The following DLG2 variants were observed in gnomAD, a reference collection of about 807,000 sequenced individuals.
DLG2 encodes disks large homolog 2.
DLG2 carries 45 observed loss-of-function variants against 132.5 expected under a neutral mutation model. The ratio of observed to expected loss-of-function variants is 0.34; its 90% CI spans 0.27 to 0.44. DLG2 has a LOEUF of 0.44. Among genes scored for constraint, DLG2 ranks in the 20% least tolerant of loss-of-function variants. The pLI, the probability that DLG2 is intolerant of heterozygous loss-of-function variation, is 1.00. For synonymous variants in DLG2, 424 were observed against 419.6 expected (o/e 1.01, Z -0.13); for missense variants, 1,045 against 1,196.9 (o/e 0.87, Z 1.87).
At chr11:84,847,341 T>C (rs1410769843) in intron 6 of DLG2, among the ~76,000 whole-genome samples, 1 of 152,140 alleles carries the variant, frequency 6.6e-6, no homozygotes, top group Non-Finnish European at 1.5e-5. Flanking sequence ...ATCTCTTGCA[T>C]TAACATGAAA....
intron 11 of DLG2, among the ~76,000 whole-genome samples, chr11:83,986,683 A>G (rs1014778209): frequency 1.3e-5 from 2 of 151,954 alleles, no homozygotes; most frequent in Admixed American, 6.6e-5. Flanking sequence ...CCGACAGTGT[A>G]AAAGTGTTCC....
At chr11:83,725,080 CACAA>C in intron 18 of DLG2, 1 of 562,338 alleles carries the variant, frequency 1.8e-6, no homozygotes, top group Non-Finnish European at 3.2e-6. Flanking sequence ...TGCTTTGCAA[CACAA>C]ACAAGCCAAT....
At chr11:83,566,009 T>C (rs953674396) in intron 19 of DLG2, among the ~76,000 whole-genome samples, 1 of 152,188 alleles carries the variant, frequency 6.6e-6, no homozygotes, top group African/African-American at 2.4e-5. Context: ...TCCTACTGGT[T>C]GGATTAATAA....
chr11:84,886,730 A>C (rs1381981780), intron 6 of DLG2, among the ~76,000 whole-genome samples: 1 of 152,160 alleles, frequency 6.6e-6, no homozygotes, highest in Non-Finnish European at 1.5e-5. Context: ...AAACACAGTG[A>C]TCAGGTGAGG....
chr11:85,381,409 G>A lies in DLG2; in HGVS notation c.41-96044C>T, dbSNP rs141786293. 8.6e-3 allele frequency among the ~76,000 whole-genome samples: 1,311 copies of A among 152,254 alleles called. 25 individuals are homozygous for A. Among genetic ancestry groups the A allele is most frequent in the African/African-American group, 0.03 (1,266 of 41,536 alleles). Reference sequence around the variant, plus strand: ...GCTAACATCATACTTAATGGTGAAAGACTGAAAGGTTTTCCCCTAAGATCA... The same window carrying A: ...GCTAACATCATACTTAATGGTGAAAAACTGAAAGGTTTTCCCCTAAGATCA... On this transcript the variant is annotated intron_variant, in intron 3 of 27. Coordinates refer to ENST00000376104, the MANE Select transcript of DLG2 (RefSeq NM_001142699.3).
rs551818922 is a variant in DLG2 at position 83,768,116 on chromosome 11, C to G, written c.1825+18574G>C. ...ATGCACATTTACTGACAATAAAACTCATCCTTCTTAGCCTTTTTCTTTTCT... is the reference window on the plus strand; with the variant it reads ...ATGCACATTTACTGACAATAAAACTGATCCTTCTTAGCCTTTTTCTTTTCT... On this transcript the variant is annotated intron_variant, in intron 18 of 27. Coordinates refer to ENST00000376104, the MANE Select transcript of DLG2 (RefSeq NM_001142699.3). 1.2e-3 allele frequency among the ~76,000 whole-genome samples: 189 copies of G among 152,292 alleles called. 1 individual carries two copies. The highest frequency in any genetic ancestry group is 5.2e-3 in the South Asian group (25 of 4,818).
At chr11:85,535,275 C>A (rs970206757) in intron 3 of DLG2, among the ~76,000 whole-genome samples, 4 of 151,978 alleles carry the variant, frequency 2.6e-5, no homozygotes, top group African/African-American at 9.7e-5. Context: ...TAATTTCAAA[C>A]ATTGTAGGTA....
chr11:84,706,376 A>G (rs914717279), intron 6 of DLG2, among the ~76,000 whole-genome samples: 5 of 151,826 alleles, frequency 3.3e-5, no homozygotes, highest in African/African-American at 1.2e-4. Flanking sequence ...AAACTGTTCA[A>G]TAAGTCAGGA....
chr11:84,667,961 A>T (rs577496315), intron 6 of DLG2, among the ~76,000 whole-genome samples: 1 of 152,294 alleles, frequency 6.6e-6, no homozygotes, highest in South Asian at 2.1e-4. Flanking sequence ...TTTTGAGGGT[A>T]ATCTTTAGAT....
chr11:84,507,022 T>C (rs921054993), intron 7 of DLG2, among the ~76,000 whole-genome samples: 2 of 152,226 alleles, frequency 1.3e-5, no homozygotes. Context: ...GTTTCCAAAG[T>C]AGACATTTCT....
At chr11:84,367,290 A>G (rs1323675669) in intron 7 of DLG2, among the ~76,000 whole-genome samples, 1 of 152,112 alleles carries the variant, frequency 6.6e-6, no homozygotes, top group Admixed American at 6.6e-5. Flanking sequence ...AAGCCATGTG[A>G]TCTTTGCAGT....
chr11:84,953,010 T>C (rs2051165333), intron 6 of DLG2, among the ~76,000 whole-genome samples: 2 of 152,204 alleles, frequency 1.3e-5, no homozygotes, highest in African/African-American at 2.4e-5. Flanking sequence ...CATGAAATCT[T>C]TCCCACCTTT....
chr11:85,286,167 T>C (rs559585859), intron 3 of DLG2: 8 of 433,562 alleles, frequency 1.8e-5, no homozygotes, highest in African/African-American at 6.2e-5. Flanking sequence ...CATCATACTC[T>C]AGTTGGTAAA....
At chr11:83,598,274 A>C (rs952199063) in intron 19 of DLG2, among the ~76,000 whole-genome samples, 1 of 152,250 alleles carries the variant, frequency 6.6e-6, no homozygotes, top group Non-Finnish European at 1.5e-5. Flanking sequence ...CTTTCAGAGA[A>C]GTTATCATCG....
At chr11:83,796,308 T>C (rs3862775) in intron 17 of DLG2, among the ~76,000 whole-genome samples, 102,538 of 151,798 alleles carry the variant, frequency 0.68, 35,305 homozygotes, top group Middle Eastern at 0.83. Context: ...AACAAACAAA[T>C]GAAAAAAACC....
rs58266385 is a variant in DLG2 at position 85,134,528 on chromosome 11, CAAAAAAAAAAA to C, written c.282+20017_282+20027del. ...TGGGCAACAGAGCGAGACTCCGTCT[CAAAAAAAAAAA>C]AAAAAAAAAAAAAAGTATACTTTCT... On this transcript the variant is annotated intron_variant, in intron 5 of 27. Coordinates refer to ENST00000376104, the MANE Select transcript of DLG2 (RefSeq NM_001142699.3). 4.2e-3 allele frequency among the ~76,000 whole-genome samples: 147 copies of C among 34,970 alleles called. 2 individuals are homozygous for C. The highest frequency in any genetic ancestry group is 0.014 in the African/African-American group (141 of 10,202). The allele number at this position is 34,970 out of a possible 152,430, so 22.9% of individuals were successfully genotyped here.
chr11:84,420,671 T>C (rs1181226554), intron 7 of DLG2, among the ~76,000 whole-genome samples: 15 of 81,090 alleles, frequency 1.8e-4, no homozygotes, highest in African/African-American at 8.6e-4. Flanking sequence ...TTTTTTTTTT[T>C]TTTTTTTTTT....
intron 15 of DLG2, among the ~76,000 whole-genome samples, chr11:83,898,140 T>A (rs2072320273): frequency 6.6e-6 from 1 of 152,264 alleles, no homozygotes; most frequent in African/African-American, 2.4e-5. Flanking sequence ...GGAACTATAA[T>A]AAATAATAGA....
At chr11:83,887,276 G>C (rs922006316) in intron 15 of DLG2, among the ~76,000 whole-genome samples, 1 of 151,938 alleles carries the variant, frequency 6.6e-6, no homozygotes, top group East Asian at 1.9e-4. Context: ...TATCACCACC[G>C]ATCTCACAGA....
Sources: gnomAD v4.1 joint callset for allele counts (sites outside exome capture counted in the v4.1 genomes callset) on GRCh38, gnomAD v4.1.1 for gene constraint, MANE v1.5 for transcripts, NCBI Gene and HGNC (gene_info 2026-07-23, HGNC 2026-07-21) for gene names.